The following PPP2R1A variants were observed in gnomAD, a reference collection of about 807,000 sequenced individuals.
The protein encoded by PPP2R1A is serine/threonine-protein phosphatase 2A 65 kDa regulatory subunit A alpha isoform.
In PPP2R1A, 15 loss-of-function variants were observed where a neutral mutation model predicts 67.1. That is an observed-to-expected ratio of 0.22 (90% CI 0.15 to 0.34). PPP2R1A has a LOEUF of 0.34. PPP2R1A is among the 10% of genes least tolerant of loss of function. The pLI, the probability that PPP2R1A is intolerant of heterozygous loss-of-function variation, is 1.00. For synonymous variants in PPP2R1A, 337 were observed against 325.0 expected, an observed-to-expected ratio of 1.04 and a Z score of -0.40; for missense variants, 369 against 775.0, an observed-to-expected ratio of 0.48 and a Z score of 6.22.
rs915576804 is a variant in PPP2R1A, at chr19:52,194,088, C to CAAAAAAAAAAAAAA, written c.78+3925_78+3938dup. Among the ~76,000 whole-genome samples, 296 of 60,490 alleles carry CAAAAAAAAAAAAAA rather than the reference C, an allele frequency of 4.9e-3. 11 individuals carry two copies. Among genetic ancestry groups the CAAAAAAAAAAAAAA allele is most frequent in the Middle Eastern group, 0.011 (1 of 88 alleles). The allele number at this position is 60,490 out of a possible 152,430, so 39.7% of individuals were successfully genotyped here. A position where few individuals can be genotyped will look rare whatever the true frequency, so the allele number is the denominator to read the frequency against. On this transcript the variant is annotated intron_variant, in intron 1 of 14. Coordinates refer to ENST00000322088, the MANE Select transcript of PPP2R1A (RefSeq NM_014225.6). Reference sequence around the variant, plus strand: ...CTGGGCGACAGCAAGACCCTGTCTCCAAAAAAAAAAAAAAAAAAAAAAAAG... The same window carrying CAAAAAAAAAAAAAA: ...CTGGGCGACAGCAAGACCCTGTCTCCAAAAAAAAAAAAAAAAAAAAAAAAAAAAAAAAAAAAAAG...
chr19:52,225,603 G>A (rs1979204401), intron 13 of PPP2R1A, 114 bp from the exon 14 acceptor site: 2 of 867,134 alleles, frequency 2.3e-6, no homozygotes, highest in Non-Finnish European at 3.7e-6. Flanking sequence ...TCCCACCTTG[G>A]GTTTGGTGTA....
At chr19:52,198,556 A>C (rs2089518118) in intron 1 of PPP2R1A, among the ~76,000 whole-genome samples, 1 of 152,182 alleles carries the variant, frequency 6.6e-6, no homozygotes, top group African/African-American at 2.4e-5. Flanking sequence ...GAAGAGGTGC[A>C]TAGGGTGAGC....
intron 1 of PPP2R1A, among the ~76,000 whole-genome samples, chr19:52,197,465 A>C (rs570608546): frequency 5.9e-5 from 9 of 152,124 alleles, no homozygotes; most frequent in Admixed American, 5.9e-4. Flanking sequence ...GCTTGAGCTC[A>C]GGAGTTTGAG....
At position 52,216,447 on chromosome 19, in the gene PPP2R1A, C is replaced by T; in HGVS notation, c.994-82C>T. On this transcript the variant is annotated intron_variant, in intron 8 of 14. Transcript: ENST00000322088. This position sits in a 1 kb window ranked among gnomAD's most constrained non-coding sequence, Gnocchi z 4.3. Reference sequence around the variant, plus strand: ...GAGAGGGGCAGAAGCAGGTTATTGTCTCTTAGGAGTTGGCATCTGCTTAGC... The same window carrying T: ...GAGAGGGGCAGAAGCAGGTTATTGTTTCTTAGGAGTTGGCATCTGCTTAGC... 1 of 1,539,450 alleles carries T rather than the reference C, an allele frequency of 6.5e-7. No homozygotes were observed. Among genetic ancestry groups the T allele is most frequent in the Non-Finnish European group, 8.9e-7 (1 of 1,121,044 alleles).
intron 9 of PPP2R1A, among the ~76,000 whole-genome samples, chr19:52,217,177 A>C (rs1355817590): frequency 6.6e-6 from 1 of 152,134 alleles, no homozygotes; most frequent in East Asian, 1.9e-4. Flanking sequence ...ACAACAGAGC[A>C]AGACTCTGTC....
At chr19:52,217,848 G>A (rs1978676531) in intron 9 of PPP2R1A, among the ~76,000 whole-genome samples, 1 of 152,038 alleles carries the variant, frequency 6.6e-6, no homozygotes, top group Admixed American at 6.6e-5. Context: ...AGATCATCAG[G>A]GTGACCACTG....
In PPP2R1A at chr19:52,211,044, C is replaced by T. The variant is rs1418732827; in HGVS notation, c.271-216C>T. ...TAAATAAGAACCTTTGTGGAAGGCA[C>T]GCTGACAGAGACCTTCTGCTGGCTG... is the stretch of plus-strand genomic sequence containing the variant. On this transcript the variant is annotated intron_variant, in intron 3 of 14. Coordinates refer to ENST00000322088, the MANE Select transcript of PPP2R1A (RefSeq NM_014225.6). The surrounding 1 kb of genome is among the most constrained non-coding windows in gnomAD (Gnocchi z 5.3). Among the ~76,000 whole-genome samples, 2 of 152,342 alleles carry T rather than the reference C, an allele frequency of 1.3e-5. No individual in the cohort carries two copies. The highest frequency in any genetic ancestry group is 1.9e-4 in the East Asian group (1 of 5,190).
At chr19:52,223,753 T>C (rs1397341386) in intron 13 of PPP2R1A, among the ~76,000 whole-genome samples, 1 of 152,176 alleles carries the variant, frequency 6.6e-6, no homozygotes, top group Non-Finnish European at 1.5e-5. Context: ...TCTCATCCAT[T>C]GCACGTGGGG....
At chr19:52,204,240 A>G (rs1450681847) in intron 2 of PPP2R1A, among the ~76,000 whole-genome samples, 2 of 152,230 alleles carry the variant, frequency 1.3e-5, no homozygotes, top group African/African-American at 2.4e-5. Flanking sequence ...AGGTTGGAGA[A>G]GAACAGTGAC....
chr19:52,200,285 A>G (rs1017894691), intron 1 of PPP2R1A: 5 of 152,168 alleles, frequency 3.3e-5, no homozygotes, highest in Admixed American at 1.3e-4. Context: ...GCTGGGAGCT[A>G]TTAATAATAG....
chr19:52,223,674 C>A (rs930512318), intron 13 of PPP2R1A, among the ~76,000 whole-genome samples: 90 of 152,284 alleles, frequency 5.9e-4, no homozygotes, highest in Non-Finnish European at 2.5e-4. Flanking sequence ...TGACTACACG[C>A]CTCCCAGAAC....
In PPP2R1A at chr19:52,212,449, T is replaced by G. The variant is rs533926891; in HGVS notation, c.504-237T>G. On this transcript the variant is annotated intron_variant, in intron 4 of 14. Coordinates refer to ENST00000322088, the MANE Select transcript of PPP2R1A (RefSeq NM_014225.6). The surrounding 1 kb of genome is among the most constrained non-coding windows in gnomAD (Gnocchi z 4.1). The stretch of plus-strand genomic sequence containing the variant: ...AGCACTTAGCATTGACTAGATTTAT[T>G]ATGCGCAATCTGCGAAGTGTCTCAC... 1.8e-6 allele frequency: 1 copy of G among 550,436 alleles called. No homozygotes were observed. The highest frequency in any genetic ancestry group is 3.2e-6 in the Non-Finnish European group (1 of 312,218). The allele number at this position is 550,436 out of a possible 1,614,324, so 34.1% of individuals were successfully genotyped here.
chr19:52,225,516 T>C (rs1167395005), intron 13 of PPP2R1A, among the ~76,000 whole-genome samples: 1 of 152,132 alleles, frequency 6.6e-6, no homozygotes, highest in African/African-American at 2.4e-5. Context: ...AAAATGTTAT[T>C]ATTAACTATG....
intron 1 of PPP2R1A, chr19:52,191,121 A>G (rs2089450645): frequency 6.6e-6 from 1 of 152,270 alleles, no homozygotes; most frequent in Non-Finnish European, 1.5e-5. Flanking sequence ...TCGGCCTCCC[A>G]AAGTGTTGGA....
At chr19:52,192,463 A>G (rs1600155487) in intron 1 of PPP2R1A, among the ~76,000 whole-genome samples, 1 of 151,924 alleles carries the variant, frequency 6.6e-6, no homozygotes, top group Non-Finnish European at 1.5e-5. Flanking sequence ...GCAGGCCACC[A>G]CGCCTGGCTG....
chr19:52,195,118 A>G (rs1031896338), intron 1 of PPP2R1A, among the ~76,000 whole-genome samples: 1 of 152,184 alleles, frequency 6.6e-6, no homozygotes, highest in African/African-American at 2.4e-5. Flanking sequence ...ATATACATTC[A>G]TATTATGGAA....
chr19:52,210,231 C>G (rs924967979), intron 3 of PPP2R1A, among the ~76,000 whole-genome samples: 1 of 152,102 alleles, frequency 6.6e-6, no homozygotes, highest in Admixed American at 6.5e-5. Context: ...CTGTCTTGTG[C>G]TAAGAGTGCT....
intron 1 of PPP2R1A, among the ~76,000 whole-genome samples, chr19:52,196,636 G>A (rs556395887): frequency 6.6e-6 from 1 of 151,976 alleles, no homozygotes; most frequent in African/African-American, 2.4e-5. Flanking sequence ...GCTGTAAGTA[G>A]TAGAAAAACT....
rs112578805 is a variant in PPP2R1A, at chr19:52,220,356, C to T, written c.1363+107C>T. On this transcript the variant is annotated intron_variant, in intron 11 of 14. Transcript: ENST00000322088. ...TGGAGGAGGCTAGAGTCACTCCCCA[C>T]GCCGCTGGATGCTCGTATGGACCAG... 1.5e-3 allele frequency: 1,848 copies of T among 1,210,558 alleles called. 18 individuals are homozygous for T. The African/African-American group carries it at 0.023, about 15-fold the overall frequency. The allele number at this position is 1,210,558 out of a possible 1,614,324, so 75.0% of individuals were successfully genotyped here. A position where few individuals can be genotyped will look rare whatever the true frequency, so the allele number is the denominator to read the frequency against.
Sources: allele counts gnomAD v4.1 joint callset (sites outside exome capture counted in the v4.1 genomes callset), GRCh38; gene constraint gnomAD v4.1.1; non-coding constraint Gnocchi (gnomAD v3.1); transcripts MANE v1.5; gene names NCBI Gene and HGNC (gene_info 2026-07-23, HGNC 2026-07-21).